Variants in EPHA6 observed in about 807,000 individuals in gnomAD.
The protein encoded by EPHA6 is ephrin type-A receptor 6.
EPHA6 carries 50 observed loss-of-function variants against 112.0 expected under a neutral mutation model. The observed-to-expected ratio is 0.45, with a 90% CI of 0.36 to 0.56. EPHA6 has a LOEUF of 0.56. Ranked by LOEUF, EPHA6 falls within the 20% of genes least tolerant of loss-of-function variation. The pLI is 0.00. For synonymous variants in EPHA6, 529 were observed against 490.7 expected, an observed-to-expected ratio of 1.08 and a Z score of -1.03; for missense variants, 1,280 against 1,417.4, an observed-to-expected ratio of 0.90 and a Z score of 1.56.
At chr3:97,171,031 G>A (rs2076685341) in intron 3 of EPHA6, among the ~76,000 whole-genome samples, 2 of 152,034 alleles carry the variant, frequency 1.3e-5, no homozygotes, top group Admixed American at 6.6e-5. Context: ...TATAAATAAT[G>A]GACTGAAAAG....
chr3:97,400,302 A>T (rs554849010), intron 5 of EPHA6, among the ~76,000 whole-genome samples: 20 of 151,844 alleles, frequency 1.3e-4, no homozygotes, highest in African/African-American at 4.3e-4. Context: ...GTTCCATCAC[A>T]TTGGTATTGA....
intron 2 of EPHA6, among the ~76,000 whole-genome samples, chr3:96,924,345 C>A (rs983130536): frequency 4.6e-5 from 7 of 151,942 alleles, no homozygotes; most frequent in Admixed American, 2.0e-4. Flanking sequence ...TGTAGTTCTC[C>A]CTGAAGAGGT....
intron 3 of EPHA6, among the ~76,000 whole-genome samples, chr3:97,126,490 A>G (rs958364495): frequency 2.5e-4 from 38 of 152,214 alleles, no homozygotes; most frequent in Non-Finnish European, 5.9e-5. Flanking sequence ...ATGACAATAT[A>G]ACTCCACAAA....
At chr3:97,577,389 C>A (rs1002026662) in intron 11 of EPHA6, among the ~76,000 whole-genome samples, 2 of 152,078 alleles carry the variant, frequency 1.3e-5, no homozygotes, top group Non-Finnish European at 2.9e-5. Context: ...ATGAAATTTT[C>A]TTTTAATAGT....
At chr3:97,597,634 T>A (rs1266184719) in intron 12 of EPHA6, among the ~76,000 whole-genome samples, 1 of 152,222 alleles carries the variant, frequency 6.6e-6, no homozygotes, top group African/African-American at 2.4e-5. Context: ...CATACAGTCC[T>A]CAGCCAACAT....
At chr3:96,976,668 A>C (rs1425790215) in intron 2 of EPHA6, among the ~76,000 whole-genome samples, 1 of 152,168 alleles carries the variant, frequency 6.6e-6, no homozygotes, top group Non-Finnish European at 1.5e-5. Flanking sequence ...CCTCTACTCC[A>C]TGCTAGAGCT....
intron 2 of EPHA6, among the ~76,000 whole-genome samples, chr3:96,943,813 CAT>C (rs2041108490): frequency 6.6e-6 from 1 of 151,730 alleles, no homozygotes; most frequent in African/African-American, 2.4e-5. Context: ...AGGCTAGCAG[CAT>C]ATGTTATGCT....
intron 11 of EPHA6, among the ~76,000 whole-genome samples, chr3:97,543,629 A>G (rs2092901259): frequency 1.3e-5 from 2 of 152,122 alleles, no homozygotes; most frequent in Admixed American, 1.3e-4. Flanking sequence ...CAATTCTGTG[A>G]AGAAAGTCGT....
rs976809977 is a variant in EPHA6, at chr3:97,752,112, A to G, written c.*3411A>G. 2.2e-5 allele frequency: 5 copies of G among 224,348 alleles called. No individual in the cohort carries two copies. The highest frequency in any genetic ancestry group is 1.1e-4 in the African/African-American group (5 of 44,908). The allele number at this position is 224,348 out of a possible 1,614,324, so 13.9% of individuals were successfully genotyped here. ...GATAAATGTTCTACATTCCATATCA[A>G]AATAAGACATCTTATTTCACTCTGC... is the stretch of plus-strand genomic sequence containing the variant. On this transcript the variant is annotated 3_prime_UTR_variant, in exon 18 of 18. Transcript: ENST00000389672.
At chr3:97,316,568 T>C (rs907260426) in intron 5 of EPHA6, among the ~76,000 whole-genome samples, 28 of 151,908 alleles carry the variant, frequency 1.8e-4, no homozygotes, top group African/African-American at 5.1e-4. Context: ...CTATAAAACG[T>C]GTTTGATGAT....
At chr3:97,667,955 G>A (rs549666648) in intron 14 of EPHA6, among the ~76,000 whole-genome samples, 3 of 152,254 alleles carry the variant, frequency 2.0e-5, no homozygotes, top group South Asian at 2.1e-4. Flanking sequence ...CAGAGAGAGC[G>A]CTAAATAAAC....
chr3:97,034,576 AT>A (rs975063628), intron 3 of EPHA6, among the ~76,000 whole-genome samples: 6 of 151,870 alleles, frequency 4.0e-5, no homozygotes, highest in African/African-American at 1.4e-4. Flanking sequence ...GCTATAAATT[AT>A]TTTTTAAAAC....
At chr3:96,838,381 A>T (rs1422524661) in intron 1 of EPHA6, among the ~76,000 whole-genome samples, 2 of 152,064 alleles carry the variant, frequency 1.3e-5, no homozygotes, top group Non-Finnish European at 2.9e-5. Context: ...TGTCTTTATA[A>T]TAGAATGATT....
intron 1 of EPHA6, among the ~76,000 whole-genome samples, chr3:96,837,081 A>G (rs1325429787): frequency 6.6e-6 from 1 of 152,122 alleles, no homozygotes. Context: ...GCCAAGAGGA[A>G]TTCCTTGATA....
chr3:96,971,945 G>A (rs546011514), intron 2 of EPHA6, among the ~76,000 whole-genome samples: 1 of 152,170 alleles, frequency 6.6e-6, no homozygotes, highest in East Asian at 1.9e-4. Context: ...ACAAAACATT[G>A]AGAACATATT....
chr3:96,937,923 C>T (rs1165344050), intron 2 of EPHA6, among the ~76,000 whole-genome samples: 68 of 151,638 alleles, frequency 4.5e-4, no homozygotes, highest in African/African-American at 6.5e-4. Context: ...GTTGTAGATA[C>T]GCGGCATTAT....
At chr3:97,024,644 G>T (rs2044574745) in intron 3 of EPHA6, among the ~76,000 whole-genome samples, 1 of 152,132 alleles carries the variant, frequency 6.6e-6, no homozygotes, top group African/African-American at 2.4e-5. Context: ...CAAGAATCAT[G>T]TTTACATGGT....
At position 97,648,385 on chromosome 3, in the gene EPHA6, A is replaced by G. The variant is rs2094083197; in HGVS notation, c.2784+10303A>G. 2.0e-6 allele frequency: 3 copies of G among 1,495,944 alleles called. No individual in the cohort carries two copies. The African/African-American group carries it at 5.8e-5, about 29-fold the overall frequency. 92.7% of individuals were successfully genotyped at this position (1,495,944 alleles called of 1,614,324 possible). ...TCTAAGAAGACATAGCCTACACCCA[A>G]CTGGAGATAATTATAAAAAATAATG... On this transcript the variant is annotated intron_variant, in intron 14 of 17. Coordinates refer to ENST00000389672, the MANE Select transcript of EPHA6 (RefSeq NM_001080448.3).
chr3:97,522,886 C>A (rs1323568007), intron 10 of EPHA6, among the ~76,000 whole-genome samples: 2 of 151,916 alleles, frequency 1.3e-5, no homozygotes, highest in African/African-American at 2.4e-5. Flanking sequence ...GTTGGAATAT[C>A]TCCTCTTTCA....
Sources: allele counts gnomAD v4.1 joint callset (sites outside exome capture counted in the v4.1 genomes callset), GRCh38; gene constraint gnomAD v4.1.1; transcripts MANE v1.5; gene names NCBI Gene and HGNC (gene_info 2026-07-23, HGNC 2026-07-21).